SND1: variants seen among roughly 807,000 people sequenced by gnomAD.
SND1 encodes staphylococcal nuclease and tudor domain containing 1, also known as staphylococcal nuclease domain-containing protein 1.
A neutral mutation model predicts 121.7 loss-of-function variants in SND1; 38 were observed. That is an observed-to-expected ratio of 0.31 (90% CI 0.24 to 0.41). The LOEUF is 0.41. SND1 is among the 10% of genes least tolerant of loss of function. The pLI is 1.00. For missense variants in SND1, 868 were observed against 1,184.6 expected (o/e 0.73, Z 3.92); for synonymous variants, 401 against 447.4 (o/e 0.90, Z 1.31).
At chr7:127,833,774 T>C (rs1798810399) in intron 11 of SND1, among the ~76,000 whole-genome samples, 1 of 152,214 alleles carries the variant, frequency 6.6e-6, no homozygotes, top group African/African-American at 2.4e-5. Context: ...ATTAAGCACA[T>C]TCATTCACAT....
intron 16 of SND1, among the ~76,000 whole-genome samples, chr7:128,024,818 G>C (rs775048904): frequency 6.6e-6 from 1 of 152,198 alleles, no homozygotes; most frequent in Non-Finnish European, 1.5e-5. Context: ...AGCTGGGGTA[G>C]ATACAGTGGA....
intron 1 of SND1, among the ~76,000 whole-genome samples, chr7:127,681,953 T>C (rs1215163086): frequency 6.6e-6 from 1 of 152,222 alleles, no homozygotes; most frequent in Non-Finnish European, 1.5e-5. Flanking sequence ...CCAGTCCTCT[T>C]TGCAGAGCTA....
At chr7:127,990,680 T>C (rs1326066018) in intron 15 of SND1, among the ~76,000 whole-genome samples, 1 of 152,204 alleles carries the variant, frequency 6.6e-6, no homozygotes, top group East Asian at 1.9e-4. Context: ...GAAGGCTCCT[T>C]TCGCCATGTG....
intron 16 of SND1, chr7:127,998,807 A>G (rs1802742223): frequency 6.6e-6 from 1 of 152,250 alleles, no homozygotes. Flanking sequence ...GGCTTCCTCT[A>G]TCAGCTTTTA....
intron 1 of SND1, among the ~76,000 whole-genome samples, chr7:127,661,818 A>G (rs1795316246): frequency 6.6e-6 from 1 of 152,064 alleles, no homozygotes; most frequent in African/African-American, 2.4e-5. Flanking sequence ...GTATGAAGTA[A>G]AAAAGAAAAA....
intron 9 of SND1, among the ~76,000 whole-genome samples, chr7:127,717,212 T>C (rs1796407531): frequency 6.6e-6 from 1 of 152,244 alleles, no homozygotes; most frequent in South Asian, 2.1e-4. Context: ...AGTTAGTATA[T>C]CAATATAGAT....
chr7:128,029,563 G>T lies in SND1; in HGVS notation c.1779+38507G>T. ...CGACCCTCAGAAATGTTGAGGTCTCGAGGTGCGTCCATGATGAAGGGGGCA... is the reference window on the plus strand; with the variant it reads ...CGACCCTCAGAAATGTTGAGGTCTCTAGGTGCGTCCATGATGAAGGGGGCA... On this transcript the variant is annotated intron_variant, in intron 16 of 23. Transcript: ENST00000354725. The surrounding 1 kb of genome is among the most constrained non-coding windows in gnomAD (Gnocchi z 4.2). 6.2e-7 allele frequency: 1 copy of T among 1,614,024 alleles called. No individual in the cohort carries two copies. Among genetic ancestry groups the T allele is most frequent in the Non-Finnish European group, 8.5e-7 (1 of 1,180,016 alleles).
intron 15 of SND1, among the ~76,000 whole-genome samples, chr7:127,938,890 A>T (rs890923239): frequency 2.6e-5 from 4 of 151,770 alleles, no homozygotes; most frequent in Non-Finnish European, 4.4e-5. Context: ...TTATTTAATA[A>T]TTTTTTTTTA....
intron 1 of SND1, among the ~76,000 whole-genome samples, chr7:127,668,874 CCTT>C (rs1795465110): frequency 1.3e-5 from 2 of 152,232 alleles, no homozygotes; most frequent in Non-Finnish European, 2.9e-5. Context: ...CCCTGTCCCA[CCTT>C]CTCCCTCTGC....
chr7:127,852,943 T>C (rs997049321), intron 12 of SND1, among the ~76,000 whole-genome samples: 8 of 152,260 alleles, frequency 5.3e-5, no homozygotes, highest in African/African-American at 1.9e-4. Context: ...AACTTTCATC[T>C]GCATTTATGA....
At chr7:127,708,394 C>T (rs1031407978) in intron 9 of SND1, among the ~76,000 whole-genome samples, 2 of 86,968 alleles carry the variant, frequency 2.3e-5, no homozygotes, top group African/African-American at 7.9e-5. Flanking sequence ...TTCCTTCTTC[C>T]CTTCCTCCCT....
chr7:127,829,220 C>T (rs1404460917), intron 11 of SND1, among the ~76,000 whole-genome samples: 1 of 152,164 alleles, frequency 6.6e-6, no homozygotes, highest in Non-Finnish European at 1.5e-5. Flanking sequence ...CCCCTGCCCC[C>T]TCCCCCACAT....
At position 128,029,843 on chromosome 7, in the gene SND1, A is replaced by C. The variant is rs1280906025; in HGVS notation, c.1779+38787A>C. The C allele has an allele frequency of 6.2e-7, 1 of 1,613,456 alleles. No individual in the cohort carries two copies. The highest frequency in any genetic ancestry group is 1.3e-5 in the African/African-American group (1 of 74,910). ...GGGCCAAGTTGAGTTCCACAAGTGA[A>C]GCCAGCCCGTCAAAAGCATTCCGCT... On this transcript the variant is annotated intron_variant, in intron 16 of 23. Transcript: ENST00000354725. The surrounding 1 kb of genome is among the most constrained non-coding windows in gnomAD (Gnocchi z 4.2).
intron 10 of SND1, among the ~76,000 whole-genome samples, chr7:127,736,379 C>G (rs1015465814): frequency 6.6e-6 from 1 of 152,168 alleles, no homozygotes; most frequent in African/African-American, 2.4e-5. Flanking sequence ...TTCTTCTGGC[C>G]TTTAAATAAT....
intron 11 of SND1, among the ~76,000 whole-genome samples, chr7:127,825,115 T>TA (rs908412357): frequency 2.6e-5 from 4 of 151,938 alleles, no homozygotes; most frequent in Admixed American, 1.3e-4. Context: ...AAAACATATA[T>TA]TTTTTTTAAA....
intron 5 of SND1, 118 bp from the exon 6 acceptor site, chr7:127,702,317 G>T: frequency 2.5e-6 from 2 of 811,818 alleles, no homozygotes; most frequent in East Asian, 2.5e-5. Flanking sequence ...CTTTTCAGAG[G>T]GAGGCTTTCT....
intron 11 of SND1, among the ~76,000 whole-genome samples, chr7:127,832,774 G>A (rs1174391481): frequency 6.6e-6 from 1 of 152,210 alleles, no homozygotes; most frequent in African/African-American, 2.4e-5. Flanking sequence ...CTGTTAGGAA[G>A]CAGGCTGCAC....
At chr7:127,725,369 G>A (rs1010945651) in intron 10 of SND1, among the ~76,000 whole-genome samples, 1 of 152,192 alleles carries the variant, frequency 6.6e-6, no homozygotes, top group Admixed American at 6.5e-5. Context: ...CATGCCAGGG[G>A]CCATGGCTTG....
rs552217562 is a variant in SND1 at position 127,863,960 on chromosome 7, G to A, written c.1343+19536G>A. Reference sequence around the variant, plus strand: ...TATACGATATACTTATAAGACAAATGATAAAATTTCAAAGTGAGAGAAAAG... The same window carrying A: ...TATACGATATACTTATAAGACAAATAATAAAATTTCAAAGTGAGAGAAAAG... On this transcript the variant is annotated intron_variant, in intron 12 of 23. Transcript: ENST00000354725. Among the ~76,000 whole-genome samples the A allele has an allele frequency of 2.0e-5, 3 of 152,222 alleles. No homozygotes were observed. In the East Asian group the frequency reaches 5.8e-4, roughly 29 times the overall value.
Sources: gnomAD v4.1 joint callset for allele counts (sites outside exome capture counted in the v4.1 genomes callset) on GRCh38, gnomAD v4.1.1 for gene constraint, Gnocchi (gnomAD v3.1) non-coding constraint, MANE v1.5 for transcripts, NCBI Gene and HGNC (gene_info 2026-07-23, HGNC 2026-07-21) for gene names.